ST14: variants seen among roughly 807,000 people sequenced by gnomAD.
ST14 encodes the protein ST14 transmembrane serine protease matriptase.
In ST14, 40 loss-of-function variants were observed where a neutral mutation model predicts 96.5. The observed-to-expected ratio is 0.41, with a 90% CI of 0.32 to 0.54. ST14 has a LOEUF of 0.54. ST14 is among the 20% of genes least tolerant of loss of function. The probability of loss-of-function intolerance (pLI) is 0.17; values close to 1 mark genes in which losing one functional copy is unlikely to be tolerated. For synonymous variants in ST14, 506 were observed against 492.1 expected (o/e 1.03, Z -0.37); for missense variants, 1,066 against 1,188.9 (o/e 0.90, Z 1.52).
At chr11:130,206,003 G>A (rs200600875) in intron 16 of ST14, among the ~76,000 whole-genome samples, 432 of 152,036 alleles carry the variant, frequency 2.8e-3, no homozygotes, top group South Asian at 5.8e-3. Flanking sequence ...AGCCTTCTTC[G>A]GAGCTTTTTA....
At chr11:130,202,939 C>G (rs1455933396) in intron 16 of ST14, among the ~76,000 whole-genome samples, 1 of 152,198 alleles carries the variant, frequency 6.6e-6, no homozygotes, top group Non-Finnish European at 1.5e-5. Flanking sequence ...CAACTGCACT[C>G]CAGCCCCTGG....
Position 130,181,756 on chromosome 11 carries a change from T to C in ST14, c.82-6358T>C, listed in dbSNP as rs561319465. ...CTTTCATCCTCAGTGTTCTTATCAA[T>C]AAAACGATGGGATTATGCAACAGTA... On this transcript the variant is annotated intron_variant, in intron 1 of 18. Coordinates refer to ENST00000278742, the MANE Select transcript of ST14 (RefSeq NM_021978.4). The surrounding 1 kb of genome is among the most constrained non-coding windows in gnomAD (Gnocchi z 4.1). 2.0e-5 allele frequency among the ~76,000 whole-genome samples: 3 copies of C among 151,828 alleles called. No individual in the cohort carries two copies. Among genetic ancestry groups the C allele is most frequent in the Non-Finnish European group, 4.4e-5 (3 of 67,946 alleles).
chr11:130,193,159 G>C (rs1953321975), intron 7 of ST14, among the ~76,000 whole-genome samples: 1 of 151,108 alleles, frequency 6.6e-6, no homozygotes, highest in South Asian at 2.1e-4. Flanking sequence ...CGCAATCATA[G>C]CTCACTGTAA....
At chr11:130,208,344 G>A in intron 16 of ST14, 66 bp from the exon 17 acceptor site, 6 of 1,609,746 alleles carry the variant, frequency 3.7e-6, no homozygotes, top group Non-Finnish European at 5.1e-6. Context: ...GGGAACGCGC[G>A]GGGCCGCGAG....
intron 1 of ST14, among the ~76,000 whole-genome samples, chr11:130,175,178 G>GATTTT: frequency 6.6e-6 from 1 of 152,068 alleles, no homozygotes; most frequent in Non-Finnish European, 1.5e-5. Flanking sequence ...GGATTCGTTT[G>GATTTT]TCCTTGTGTT....
chr11:130,196,315 T>A, intron 9 of ST14, 24 bp from the exon 10 acceptor site: 2 of 1,555,758 alleles, frequency 1.3e-6, no homozygotes, highest in Non-Finnish European at 1.7e-6. Flanking sequence ...AACTGCACAT[T>A]CCCAGCAGCC....
chr11:130,189,726 GCT>G lies in ST14; in HGVS notation c.441-7_441-6del. 2.5e-6 allele frequency: 4 copies of G among 1,609,830 alleles called. No homozygotes were observed. The highest frequency in any genetic ancestry group is 3.4e-6 in the Non-Finnish European group (4 of 1,179,744). ...GCCCAGAGCTCCGCCTCAGGCTCCC[GCT>G]CTCTCCCCAGCGAGGGCAGCGTCAT... On this transcript the variant is annotated splice_polypyrimidine_tract_variant and intron_variant, in intron 4 of 18. Coordinates refer to ENST00000278742, the MANE Select transcript of ST14 (RefSeq NM_021978.4).
chr11:130,171,966 C>T (rs895498989), intron 1 of ST14, among the ~76,000 whole-genome samples: 23 of 152,188 alleles, frequency 1.5e-4, no homozygotes, highest in Non-Finnish European at 2.6e-4. Flanking sequence ...CTGTCGGTTT[C>T]GTGGGGAAGA....
chr11:130,201,973 T>C (rs1286878099), intron 16 of ST14, among the ~76,000 whole-genome samples: 1 of 152,206 alleles, frequency 6.6e-6, no homozygotes, highest in Non-Finnish European at 1.5e-5. Context: ...CACTACCAGG[T>C]ACAATAGGCT....
intron 1 of ST14, among the ~76,000 whole-genome samples, chr11:130,184,707 A>G (rs528954056): frequency 6.6e-6 from 1 of 152,314 alleles, no homozygotes; most frequent in South Asian, 2.1e-4. Context: ...GCAGACTCCC[A>G]CAGTGGATGG....
chr11:130,195,917 G>A (rs1953357250), intron 9 of ST14, among the ~76,000 whole-genome samples: 2 of 152,002 alleles, frequency 1.3e-5, no homozygotes, highest in Middle Eastern at 3.4e-3. Flanking sequence ...AGCACTTTGG[G>A]AGGCCGAGGC....
At chr11:130,197,630 G>T (rs933661989) in intron 11 of ST14, among the ~76,000 whole-genome samples, 9 of 152,224 alleles carry the variant, frequency 5.9e-5, no homozygotes, top group African/African-American at 2.2e-4. Flanking sequence ...CCAGGTTGGG[G>T]TCTGTGGCCA....
intron 1 of ST14, among the ~76,000 whole-genome samples, chr11:130,177,039 C>G (rs1201231839): frequency 6.6e-6 from 1 of 151,412 alleles, no homozygotes; most frequent in East Asian, 2.0e-4. Context: ...ACCTCGTGAT[C>G]CACCTGCCTT....
intron 16 of ST14, among the ~76,000 whole-genome samples, chr11:130,205,997 T>A (rs1040657417): frequency 6.6e-6 from 1 of 152,082 alleles, no homozygotes. Context: ...ATGCCCAGCC[T>A]TCTTCGGAGC....
intron 1 of ST14, among the ~76,000 whole-genome samples, chr11:130,170,037 C>T (rs1393153007): frequency 1.3e-5 from 2 of 152,030 alleles, no homozygotes; most frequent in Non-Finnish European, 2.9e-5. Context: ...TAAATGGGAT[C>T]GAAGAGGCAG....
chr11:130,194,823 T>C (rs1326297908), intron 9 of ST14, 86 bp downstream of exon 9: 4 of 1,333,404 alleles, frequency 3.0e-6, no homozygotes, highest in East Asian at 4.6e-5. Flanking sequence ...TGTGTGTGGA[T>C]GTGTGTGCAT....
intron 1 of ST14, among the ~76,000 whole-genome samples, chr11:130,173,407 G>A (rs541162831): frequency 1.0e-3 from 153 of 152,228 alleles, no homozygotes; most frequent in African/African-American, 3.6e-3. Flanking sequence ...GACCAGCCTG[G>A]CCAAATGGCG....
chr11:130,171,589 G>A (rs1342189286), intron 1 of ST14, among the ~76,000 whole-genome samples: 3 of 152,172 alleles, frequency 2.0e-5, no homozygotes, highest in East Asian at 1.9e-4. Flanking sequence ...CTCTTGAGTG[G>A]TGCAAGATCA....
chr11:130,208,782 T>C (rs1953516017), intron 17 of ST14, 98 bp downstream of exon 17: 2 of 1,421,374 alleles, frequency 1.4e-6, no homozygotes, highest in Non-Finnish European at 1.9e-6. Context: ...GGGGGGCTGC[T>C]CCAGTCTCCC....
Sources: allele counts gnomAD v4.1 joint callset (sites outside exome capture counted in the v4.1 genomes callset), GRCh38; gene constraint gnomAD v4.1.1; non-coding constraint Gnocchi (gnomAD v3.1); transcripts MANE v1.5; gene names NCBI Gene and HGNC (gene_info 2026-07-23, HGNC 2026-07-21).